CEP44: variants seen among roughly 807,000 people sequenced by gnomAD.
The protein encoded by CEP44 is centrosomal protein of 44 kDa.
A neutral mutation model predicts 46.7 loss-of-function variants in CEP44; 45 were observed. That is an observed-to-expected ratio of 0.96 (90% confidence interval 0.76 to 1.24). The LOEUF (loss-of-function observed/expected upper bound fraction) is 1.24. Among genes scored for constraint, CEP44 ranks in the 50% most tolerant of loss-of-function variants. The pLI, the probability that CEP44 is intolerant of heterozygous loss-of-function variation, is 0.00. For missense variants in CEP44, 475 were observed against 459.7 expected (o/e 1.03, Z -0.30); for synonymous variants, 142 against 146.0 (o/e 0.97, Z 0.20).
In CEP44 at chr4:174,290,700, G is replaced by T. The variant is rs1738099465; in HGVS notation, c.-148+6757G>T. Reference sequence around the variant, plus strand: ...TCCTCCAATTCTATCAATATTTGCTGTTGGCATTCTGTCTGGATGACCTGT... The same window carrying T: ...TCCTCCAATTCTATCAATATTTGCTTTTGGCATTCTGTCTGGATGACCTGT... On this transcript the variant is annotated intron_variant, in intron 1 of 11. Transcript: ENST00000503780. The surrounding 1 kb of genome is among the most constrained non-coding windows in gnomAD (Gnocchi z 4.3). Among the ~76,000 whole-genome samples, 1 of 152,126 alleles carries T rather than the reference G, an allele frequency of 6.6e-6. No individual in the cohort carries two copies. The highest frequency in any genetic ancestry group is 2.1e-4 in the South Asian group (1 of 4,826).
rs1741134583 is a variant in CEP44, at chr4:174,312,020, T to C, written c.961+1162T>C. Among the ~76,000 whole-genome samples, 1 of 152,182 alleles carries C rather than the reference T, an allele frequency of 6.6e-6. No individual in the cohort carries two copies. The highest frequency in any genetic ancestry group is 1.5e-5 in the Non-Finnish European group (1 of 68,028). ...CAAATGTTAATGCTTGAGTATAAGATCCTTGAGAGCAAAAACTTTATCTTA... is the reference window on the plus strand; with the variant it reads ...CAAATGTTAATGCTTGAGTATAAGACCCTTGAGAGCAAAAACTTTATCTTA... On this transcript the variant is annotated intron_variant, in intron 9 of 11. Coordinates refer to ENST00000503780, the MANE Select transcript of CEP44 (RefSeq NM_001040157.3). The surrounding 1 kb of genome is among the most constrained non-coding windows in gnomAD (Gnocchi z 4.5).
Position 174,320,119 on chromosome 4 carries a change from G to T in CEP44, c.*2736G>T, listed in dbSNP as rs540808275. On this transcript the variant is annotated 3_prime_UTR_variant, in exon 12 of 12. Transcript: ENST00000503780. ...TATGCTCTGAATAGGTCTCGGTAAAGATTATATGGAAATACTATAAAGAAT... is the reference window on the plus strand; with the variant it reads ...TATGCTCTGAATAGGTCTCGGTAAATATTATATGGAAATACTATAAAGAAT... The T allele has an allele frequency of 3.1e-4, 301 of 985,170 alleles. No individual in the cohort carries two copies. The highest frequency in any genetic ancestry group is 2.1e-3 in the African/African-American group (122 of 57,276). The allele number at this position is 985,170 out of a possible 1,614,324, so 61.0% of individuals were successfully genotyped here. A position where few individuals can be genotyped will look rare whatever the true frequency, so the allele number is the denominator to read the frequency against.
At chr4:174,299,044 C>G in intron 2 of CEP44, 28 bp from the exon 3 acceptor site, 1 of 1,256,526 alleles carries the variant, frequency 8.0e-7, no homozygotes. Flanking sequence ...AGAGACTTAA[C>G]CAGTATTTCA....
chr4:174,291,782 C>CTTTTTTTTTTTT (rs1208425482), intron 1 of CEP44, among the ~76,000 whole-genome samples: 28 of 81,622 alleles, frequency 3.4e-4, no homozygotes, highest in African/African-American at 7.2e-4. Flanking sequence ...TTATCTTTTT[C>CTTTTTTTTTTTT]TTTTCTTTTT....
rs1739147319 is a variant in CEP44 at position 174,297,286 on chromosome 4, C to G, written c.-147-680C>G. ...AAAGCTTCATTTTGAAATTTTTTCT[C>G]TATATTATCTCTATTTCCACCAAAT... is the stretch of plus-strand genomic sequence containing the variant. On this transcript the variant is annotated intron_variant, in intron 1 of 11. Coordinates refer to ENST00000503780, the MANE Select transcript of CEP44 (RefSeq NM_001040157.3). The surrounding 1 kb of genome is among the most constrained non-coding windows in gnomAD (Gnocchi z 4.3). Among the ~76,000 whole-genome samples, 1 of 151,320 alleles carries G rather than the reference C, an allele frequency of 6.6e-6. No homozygotes were observed. The highest frequency in any genetic ancestry group is 2.1e-4 in the South Asian group (1 of 4,796).
chr4:174,285,710 TAGA>T (rs756734121), intron 1 of CEP44: 7 of 152,322 alleles, frequency 4.6e-5, no homozygotes, highest in Non-Finnish European at 1.0e-4. Flanking sequence ...AAGGTATCCC[TAGA>T]AGAATTGTGT....
At position 174,301,716 on chromosome 4, in the gene CEP44, G is replaced by A. The variant is rs1428781462; in HGVS notation, c.90-323G>A. Among the ~76,000 whole-genome samples, 2 of 152,080 alleles carry A rather than the reference G, an allele frequency of 1.3e-5. No individual in the cohort carries two copies. The highest frequency in any genetic ancestry group is 4.8e-5 in the African/African-American group (2 of 41,404). On this transcript the variant is annotated intron_variant, in intron 3 of 11. Coordinates refer to ENST00000503780, the MANE Select transcript of CEP44 (RefSeq NM_001040157.3). The surrounding 1 kb of genome is among the most constrained non-coding windows in gnomAD (Gnocchi z 4.3). ...AAAGTGTACTTCAATTTTGTAAGAT[G>A]GTACATTGCTTTTATTAGTAGTAGA...
chr4:174,317,253 A>G (rs1373187712), intron 11 of CEP44, 82 bp from the exon 12 acceptor site: 1 of 558,522 alleles, frequency 1.8e-6, no homozygotes, highest in African/African-American at 2.0e-5. Flanking sequence ...TTTTAGGCTA[A>G]AAAGCATAAT....
chr4:174,320,413 T>G, downstream of CEP44: 1 of 668,146 alleles, frequency 1.5e-6, no homozygotes, highest in Non-Finnish European at 1.7e-6. Flanking sequence ...TATAACCTTC[T>G]CAATTTTATA....
chr4:174,318,672 A>G lies in CEP44; in HGVS notation c.*1289A>G. ...ATTTATTCATCTATTTATGGTATGT[A>G]TGTATAATTCTATATTACACTGTCA... is the stretch of plus-strand genomic sequence containing the variant. On this transcript the variant is annotated 3_prime_UTR_variant, in exon 12 of 12. Transcript: ENST00000503780. The G allele has an allele frequency of 3.5e-6, 2 of 575,008 alleles. No individual in the cohort carries two copies. The highest frequency in any genetic ancestry group is 4.4e-6 in the Non-Finnish European group (2 of 456,204). The allele number at this position is 575,008 out of a possible 1,614,324, so 35.6% of individuals were successfully genotyped here. A position where few individuals can be genotyped will look rare whatever the true frequency, so the allele number is the denominator to read the frequency against.
chr4:174,299,086 G>A lies in CEP44; in HGVS notation c.-36G>A. On this transcript the variant is annotated 5_prime_UTR_variant, in exon 3 of 12. Transcript: ENST00000503780. ...TCTATTTTCAGGTGAAAAATTAGAC[G>A]ATTTCAAGAATTGGAGCTGAATCTG... The A allele has an allele frequency of 3.2e-6, 5 of 1,559,850 alleles. No individual in the cohort carries two copies. Among genetic ancestry groups the A allele is most frequent in the Non-Finnish European group, 4.4e-6 (5 of 1,138,018 alleles).
chr4:174,321,362 C>T (rs1251916774), downstream of CEP44, among the ~76,000 whole-genome samples: 1 of 152,002 alleles, frequency 6.6e-6, no homozygotes, highest in Non-Finnish European at 1.5e-5. Flanking sequence ...CTTTGGTTAG[C>T]GTTTTAGGGT....
In CEP44 at chr4:174,331,691, A is replaced by G. The variant is rs1731326630; in HGVS notation, c.*96A>G. 6.9e-7 allele frequency: 1 copy of G among 1,449,096 alleles called. No individual in the cohort carries two copies. Among genetic ancestry groups the G allele is most frequent in the South Asian group, 1.4e-5 (1 of 69,326 alleles). 89.8% of individuals were successfully genotyped at this position (1,449,096 alleles called of 1,614,324 possible). On this transcript the variant is annotated 3_prime_UTR_variant, in exon 9 of 9. Coordinates refer to the CEP44 transcript ENST00000426172. The surrounding 1 kb of genome is among the most constrained non-coding windows in gnomAD (Gnocchi z 4.5). ...AAGTCCAGAATTCTGCCTGGAAACC[A>G]GCTTCCTCCTCAGCTCCAGCTCTTT...
Position 174,288,479 on chromosome 4 carries a change from A to G in CEP44, c.-148+4536A>G, listed in dbSNP as rs1182112119. On this transcript the variant is annotated intron_variant, in intron 1 of 11. Transcript: ENST00000503780. The surrounding 1 kb of genome is among the most constrained non-coding windows in gnomAD (Gnocchi z 4.6). ...AACCACCATTCTATTCTCTGCTTGC[A>G]TGTATTTGACTATTTTAGATTTCAC... Among the ~76,000 whole-genome samples the G allele has an allele frequency of 6.6e-6, 1 of 152,102 alleles. No individual in the cohort carries two copies. The highest frequency in any genetic ancestry group is 2.4e-5 in the African/African-American group (1 of 41,412).
intron 1 of CEP44, among the ~76,000 whole-genome samples, chr4:174,295,403 A>G (rs1738863656): frequency 6.6e-6 from 1 of 151,326 alleles, no homozygotes; most frequent in Admixed American, 6.6e-5. Context: ...GGCCGGGCAG[A>G]GACGCTCCTT....
At chr4:174,321,817 T>TA (rs1252694321), downstream of CEP44, among the ~76,000 whole-genome samples, 3 of 151,964 alleles carry the variant, frequency 2.0e-5, no homozygotes, top group Admixed American at 1.3e-4. Context: ...AATGAAGGAG[T>TA]AAAAAAAGCA....
chr4:174,316,724 T>A (rs1741766210), intron 11 of CEP44, 157 bp downstream of exon 11: 3 of 575,670 alleles, frequency 5.2e-6, no homozygotes. Context: ...TAAATCCACC[T>A]ACAGTTATGT....
At chr4:174,295,526 TC>T (rs1408252337) in intron 1 of CEP44, among the ~76,000 whole-genome samples, 14 of 147,956 alleles carry the variant, frequency 9.5e-5, no homozygotes, top group African/African-American at 3.0e-4. Context: ...GCAGAGGGGC[TC>T]CTCACGTCCC....
rs61162706 is a variant in CEP44, at chr4:174,295,853, GT to G, written c.-147-2111del. On this transcript the variant is annotated intron_variant, in intron 1 of 11. Transcript: ENST00000503780. ...GAATTCTAGGTATTTTTCCAATTAAGTTGAGGGACTTTCCCTCTATTCCTAG... is the reference window on the plus strand; with the variant it reads ...GAATTCTAGGTATTTTTCCAATTAAGTGAGGGACTTTCCCTCTATTCCTAG... Among the ~76,000 whole-genome samples the G allele has an allele frequency of 1.4e-3, 218 of 152,314 alleles. 1 individual carries two copies. Among genetic ancestry groups the G allele is most frequent in the African/African-American group, 4.8e-3 (201 of 41,550 alleles).
Sources: gnomAD v4.1 joint callset for allele counts (sites outside exome capture counted in the v4.1 genomes callset) on GRCh38, gnomAD v4.1.1 for gene constraint, Gnocchi (gnomAD v3.1) non-coding constraint, MANE v1.5 for transcripts, NCBI Gene and HGNC (gene_info 2026-07-23, HGNC 2026-07-21) for gene names.